The following ZFPM2 variants were observed in gnomAD, a reference collection of about 807,000 sequenced individuals.
The protein encoded by ZFPM2 is zinc finger protein ZFPM2.
Under a neutral mutation model 98.6 loss-of-function variants are expected in ZFPM2, and 20 were observed. The observed-to-expected ratio is 0.20, with a 90% CI of 0.14 to 0.29. ZFPM2 has a LOEUF of 0.29. Among genes scored for constraint, ZFPM2 ranks in the 10% least tolerant of loss-of-function variants. ZFPM2 has a pLI of 1.00. For missense variants in ZFPM2, 1,310 were observed against 1,388.6 expected (o/e 0.94, Z 0.90); for synonymous variants, 518 against 502.7 (o/e 1.03, Z -0.41).
chr8:105,729,797 T>C (rs1338002333), intron 5 of ZFPM2, among the ~76,000 whole-genome samples: 59 of 151,622 alleles, frequency 3.9e-4, no homozygotes, highest in Non-Finnish European at 7.8e-4. Flanking sequence ...AAAGTACAAC[T>C]TGGGTTTCTT....
intron 1 of ZFPM2, among the ~76,000 whole-genome samples, chr8:105,390,621 T>G (rs1234377207): frequency 6.6e-6 from 1 of 152,212 alleles, no homozygotes; most frequent in East Asian, 1.9e-4. Context: ...GGGCCTACTT[T>G]GAAAGACAGA....
intron 4 of ZFPM2, among the ~76,000 whole-genome samples, chr8:105,624,777 C>T (rs1816619676): frequency 6.6e-6 from 1 of 151,972 alleles, no homozygotes. Flanking sequence ...ATAATATGTT[C>T]CAACAATTTG....
At chr8:105,379,639 G>T (rs1249167618) in intron 1 of ZFPM2, among the ~76,000 whole-genome samples, 1 of 151,856 alleles carries the variant, frequency 6.6e-6, no homozygotes, top group Non-Finnish European at 1.5e-5. Context: ...TGTAATCCCA[G>T]CTACTTGGGA....
chr8:105,594,243 G>T (rs962545482), intron 4 of ZFPM2, among the ~76,000 whole-genome samples: 4 of 152,022 alleles, frequency 2.6e-5, no homozygotes, highest in Non-Finnish European at 5.9e-5. Flanking sequence ...TGTGGTTGTT[G>T]TCTCTTGTGT....
chr8:105,538,062 C>A (rs1814495383), intron 3 of ZFPM2, among the ~76,000 whole-genome samples: 1 of 152,072 alleles, frequency 6.6e-6, no homozygotes, highest in African/African-American at 2.4e-5. Context: ...TCACCCCTTG[C>A]CAATTTAAAC....
At chr8:105,478,849 C>A (rs536275511) in intron 3 of ZFPM2, among the ~76,000 whole-genome samples, 1 of 152,184 alleles carries the variant, frequency 6.6e-6, no homozygotes, top group African/African-American at 2.4e-5. Context: ...TTATCCTACT[C>A]TAGCAAGGAT....
intron 3 of ZFPM2, among the ~76,000 whole-genome samples, chr8:105,518,733 C>T (rs183554670): frequency 2.2e-3 from 340 of 152,268 alleles, no homozygotes; most frequent in Non-Finnish European, 4.3e-3. Flanking sequence ...AAAATATGTA[C>T]TAGACAAGCA....
chr8:105,550,879 CAAG>C (rs910139028), intron 3 of ZFPM2, among the ~76,000 whole-genome samples: 1 of 152,122 alleles, frequency 6.6e-6, no homozygotes, highest in African/African-American at 2.4e-5. Context: ...CACAGAGTGT[CAAG>C]GAGTCTGCTT....
At chr8:105,697,362 A>G (rs1358215328) in intron 5 of ZFPM2, among the ~76,000 whole-genome samples, 2 of 152,220 alleles carry the variant, frequency 1.3e-5, no homozygotes, top group Non-Finnish European at 2.9e-5. Flanking sequence ...TGAACTAACA[A>G]TTTCCATAAT....
intron 5 of ZFPM2, among the ~76,000 whole-genome samples, chr8:105,677,444 T>G (rs1586191772): frequency 6.6e-6 from 1 of 152,310 alleles, no homozygotes; most frequent in East Asian, 1.9e-4. Context: ...AATCCAAAAC[T>G]ATTCTGCTTA....
In ZFPM2 at chr8:105,653,854, C is replaced by CTTTT. The variant is rs60218363; in HGVS notation, c.532+19527_532+19530dup. 3.3e-3 allele frequency among the ~76,000 whole-genome samples: 117 copies of CTTTT among 35,300 alleles called. 12 individuals carry two copies. Among genetic ancestry groups the CTTTT allele is most frequent in the East Asian group, 6.3e-3 (7 of 1,116 alleles). The allele number at this position is 35,300 out of a possible 152,430, so 23.2% of individuals were successfully genotyped here. ...CTTTATACAACAGCTTGTGTGCTATCTTTTTTTTTTTTTTTTTTTTTTTTT... is the reference window on the plus strand; with the variant it reads ...CTTTATACAACAGCTTGTGTGCTATCTTTTTTTTTTTTTTTTTTTTTTTTTTTTT... On this transcript the variant is annotated intron_variant, in intron 5 of 7. Transcript: ENST00000407775.
intron 4 of ZFPM2, among the ~76,000 whole-genome samples, chr8:105,579,197 G>T (rs1399499593): frequency 2.0e-5 from 3 of 152,016 alleles, no homozygotes; most frequent in African/African-American, 7.2e-5. Flanking sequence ...AACATTTCTG[G>T]ATCTGATTTT....
At chr8:105,335,626 A>G (rs1376595829) in intron 1 of ZFPM2, among the ~76,000 whole-genome samples, 1 of 151,802 alleles carries the variant, frequency 6.6e-6, no homozygotes, top group Non-Finnish European at 1.5e-5. Context: ...TGGCCAGCTG[A>G]TGTTCCAGCC....
chr8:105,395,415 C>T (rs973005852), intron 1 of ZFPM2, among the ~76,000 whole-genome samples: 1 of 152,120 alleles, frequency 6.6e-6, no homozygotes, highest in Non-Finnish European at 1.5e-5. Context: ...AGAACACTAA[C>T]CCCAGAGATG....
chr8:105,734,375 C>CT (rs1235305150), intron 5 of ZFPM2, among the ~76,000 whole-genome samples: 3 of 151,878 alleles, frequency 2.0e-5, no homozygotes, highest in Non-Finnish European at 2.9e-5. Flanking sequence ...CAAATGTTTA[C>CT]TTTACCAGGA....
chr8:105,741,060 A>T (rs1035235478), intron 5 of ZFPM2, among the ~76,000 whole-genome samples: 5 of 152,022 alleles, frequency 3.3e-5, no homozygotes, highest in Non-Finnish European at 5.9e-5. Context: ...AGAATAAAGG[A>T]GGAGGACAGT....
chr8:105,703,421 T>G (rs1464130976), intron 5 of ZFPM2, among the ~76,000 whole-genome samples: 1 of 152,154 alleles, frequency 6.6e-6, no homozygotes, highest in African/African-American at 2.4e-5. Context: ...TTGGAAGGAT[T>G]TGGCAGTAAT....
At chr8:105,456,222 C>T (rs769906998) in intron 3 of ZFPM2, among the ~76,000 whole-genome samples, 7 of 145,166 alleles carry the variant, frequency 4.8e-5, no homozygotes, top group Non-Finnish European at 1.0e-4. Flanking sequence ...GCTGAGATGC[C>T]AAGATGGAGA....
intron 4 of ZFPM2, among the ~76,000 whole-genome samples, chr8:105,573,807 A>G (rs778000705): frequency 6.6e-6 from 1 of 152,136 alleles, no homozygotes; most frequent in Non-Finnish European, 1.5e-5. Flanking sequence ...GTGGGAGAGA[A>G]AGTATGGGAA....
Sources: gnomAD v4.1 joint callset for allele counts (sites outside exome capture counted in the v4.1 genomes callset) on GRCh38, gnomAD v4.1.1 for gene constraint, MANE v1.5 for transcripts, NCBI Gene and HGNC (gene_info 2026-07-23, HGNC 2026-07-21) for gene names.